The following TBC1D4 variants were observed in gnomAD, a reference collection of about 807,000 sequenced individuals.
TBC1D4 encodes TBC1 domain family member 4, also known as TBC (Tre-2, BUB2, CDC16) domain-containing protein.
In TBC1D4, 121 loss-of-function variants were observed where a neutral mutation model predicts 142.5. That is an observed-to-expected ratio of 0.85 (90% CI 0.73 to 0.99). The LOEUF is 0.99. Ranked by LOEUF, TBC1D4 falls within the 50% of genes least tolerant of loss-of-function variation. The probability of loss-of-function intolerance (pLI) is 0.00; values close to 1 mark genes in which losing one functional copy is unlikely to be tolerated. For missense variants in TBC1D4, 1,475 were observed against 1,606.6 expected (o/e 0.92, Z 1.40); for synonymous variants, 630 against 628.2 (o/e 1.00, Z -0.04).
intron 5 of TBC1D4, among the ~76,000 whole-genome samples, chr13:75,342,196 C>T (rs185025309): frequency 3.5e-4 from 53 of 152,256 alleles, no homozygotes; most frequent in Middle Eastern, 3.4e-3. Flanking sequence ...GACTCCATCT[C>T]AAAACAACAA....
At chr13:75,436,499 T>C (rs1296547586) in intron 1 of TBC1D4, among the ~76,000 whole-genome samples, 2 of 151,656 alleles carry the variant, frequency 1.3e-5, no homozygotes, top group Non-Finnish European at 2.9e-5. Context: ...CTACAAAAAA[T>C]ACAAAAATTA....
At chr13:75,390,758 C>T (rs1383574587) in intron 1 of TBC1D4, among the ~76,000 whole-genome samples, 2 of 148,470 alleles carry the variant, frequency 1.3e-5, no homozygotes, top group Non-Finnish European at 2.9e-5. Flanking sequence ...AAGAGAAAAA[C>T]CTCATCTTTC....
In TBC1D4 at chr13:75,379,007, TCTTA is replaced by T. The variant is rs1336447926; in HGVS notation, c.499-16404_499-16401del. Among the ~76,000 whole-genome samples, 6 of 152,270 alleles carry T rather than the reference TCTTA, an allele frequency of 3.9e-5. No individual in the cohort carries two copies. In the East Asian group the frequency reaches 1.2e-3, roughly 29 times the overall value. Reference sequence around the variant, plus strand: ...TTGGGTGAATTTAGTATTTAACAAGTCTTACTTCTATTTTCAGGTACAAAATGAA... The same window carrying T: ...TTGGGTGAATTTAGTATTTAACAAGTCTTCTATTTTCAGGTACAAAATGAA... On this transcript the variant is annotated intron_variant, in intron 1 of 20. Coordinates refer to ENST00000377636, the MANE Select transcript of TBC1D4 (RefSeq NM_014832.5).
rs561960973 is a variant in TBC1D4 at position 75,285,037 on chromosome 13, T to A, written c.*1755A>T. On this transcript the variant is annotated 3_prime_UTR_variant, in exon 21 of 21. Transcript: ENST00000377636. ...AAAACCCCTCCTACAAATAGAGAAA[T>A]TCTCAGGAAATCCAAGCAACAAATC... The A allele has an allele frequency of 2.6e-5, 4 of 152,240 alleles. No individual in the cohort carries two copies. The South Asian group carries it at 8.3e-4, about 32-fold the overall frequency. The allele number at this position is 152,240 out of a possible 1,614,324, so 9.4% of individuals were successfully genotyped here.
chr13:75,341,263 C>T (rs1053720112), intron 6 of TBC1D4, 28 bp from the exon 7 acceptor site: 1 of 1,579,202 alleles, frequency 6.3e-7, no homozygotes, highest in South Asian at 1.1e-5. Context: ...CAAAAGAACA[C>T]TATGGCAACA....
chr13:75,384,556 T>TA (rs1451733559), intron 1 of TBC1D4, among the ~76,000 whole-genome samples: 3 of 68,386 alleles, frequency 4.4e-5, no homozygotes, highest in Non-Finnish European at 9.6e-5. Flanking sequence ...CCAGAAAAGA[T>TA]AAAGGAAAAA....
chr13:75,300,073 T>C (rs979788590), intron 16 of TBC1D4, among the ~76,000 whole-genome samples: 10 of 152,172 alleles, frequency 6.6e-5, no homozygotes, highest in African/African-American at 2.4e-4. Context: ...GAGGGACTTT[T>C]TGGGTTTGTT....
At chr13:75,298,458 C>T (rs1876176748) in intron 17 of TBC1D4, among the ~76,000 whole-genome samples, 1 of 152,134 alleles carries the variant, frequency 6.6e-6, no homozygotes, top group African/African-American at 2.4e-5. Flanking sequence ...TTCTTCAGAG[C>T]CTGCTAAGAA....
In TBC1D4 at chr13:75,367,684, T is replaced by G. The variant is rs948536397; in HGVS notation, c.499-5077A>C. On this transcript the variant is annotated intron_variant, in intron 1 of 20. Transcript: ENST00000377636. ...GTAATGCGTGGCTTTAGGGGAAGGG[T>G]AGATTTCCTTTATAATTAATTCTGC... Among the ~76,000 whole-genome samples the G allele has an allele frequency of 2.0e-5, 3 of 152,252 alleles. No individual in the cohort carries two copies. In the Middle Eastern group the frequency reaches 0.01, roughly 518 times the overall value.
At chr13:75,353,591 A>T (rs1168102766) in intron 4 of TBC1D4, among the ~76,000 whole-genome samples, 1 of 152,156 alleles carries the variant, frequency 6.6e-6, no homozygotes, top group African/African-American at 2.4e-5. Context: ...AAGAGAACTA[A>T]CAATAGCACA....
intron 1 of TBC1D4, among the ~76,000 whole-genome samples, chr13:75,414,666 G>A (rs931717336): frequency 2.0e-5 from 3 of 151,970 alleles, no homozygotes; most frequent in African/African-American, 7.3e-5. Context: ...TATTTTGGGG[G>A]AAGAGAAAAT....
At chr13:75,385,390 G>A (rs1884107060) in intron 1 of TBC1D4, among the ~76,000 whole-genome samples, 1 of 152,140 alleles carries the variant, frequency 6.6e-6, no homozygotes, top group Non-Finnish European at 1.5e-5. Flanking sequence ...AAGAGAAAAT[G>A]GTGGTTCTGC....
chr13:75,310,114 G>T lies in TBC1D4; in HGVS notation c.2421C>A (p.Pro807=), dbSNP rs201049082. ...LDRNELLPLS[P]LSPTMEEEPL... ...GTTCCTCCTCCATGGTTGGAGAGAG[G>T]GGGGACAGTGGCAGCAGCTCGTTCC... is the stretch of plus-strand genomic sequence containing the variant. The change falls in exon 14 of 21, where the codon CCC becomes CCA. Residue 807 remains proline, a synonymous_variant. Transcript: ENST00000377636. The T allele has an allele frequency of 3.7e-6, 6 of 1,613,902 alleles. No individual in the cohort carries two copies. Among genetic ancestry groups the T allele is most frequent in the Admixed American group, 3.3e-5 (2 of 59,974 alleles).
At chr13:75,457,756 T>C (rs1887797367) in intron 1 of TBC1D4, among the ~76,000 whole-genome samples, 2 of 152,214 alleles carry the variant, frequency 1.3e-5, no homozygotes, top group Non-Finnish European at 2.9e-5. Context: ...TTAGTTTCTA[T>C]AAGTCTGTGG....
At chr13:75,306,122 T>C (rs1294898437) in intron 15 of TBC1D4, among the ~76,000 whole-genome samples, 191 bp downstream of exon 15, 1 of 152,154 alleles carries the variant, frequency 6.6e-6, no homozygotes, top group Non-Finnish European at 1.5e-5. Flanking sequence ...ATGCTGAAAA[T>C]AGGTTTGTGC....
chr13:75,397,511 ATATAAT>A (rs1414399490), intron 1 of TBC1D4, among the ~76,000 whole-genome samples: 1 of 152,226 alleles, frequency 6.6e-6, no homozygotes, highest in African/African-American at 2.4e-5. Flanking sequence ...GAAAACAGTA[ATATAAT>A]TATATTGTGT....
intron 5 of TBC1D4, among the ~76,000 whole-genome samples, chr13:75,345,000 T>A (rs115631007): frequency 6.6e-6 from 1 of 152,198 alleles, no homozygotes; most frequent in Non-Finnish European, 1.5e-5. Context: ...CTTACTTAAA[T>A]GAAAGTAACT....
At chr13:75,332,416 G>A (rs1467124735) in intron 8 of TBC1D4, among the ~76,000 whole-genome samples, 1 of 152,164 alleles carries the variant, frequency 6.6e-6, no homozygotes, top group African/African-American at 2.4e-5. Context: ...TTACATTCAG[G>A]TACCCTGACA....
chr13:75,391,546 A>C (rs1405083726), intron 1 of TBC1D4, among the ~76,000 whole-genome samples: 3 of 152,186 alleles, frequency 2.0e-5, no homozygotes, highest in Non-Finnish European at 4.4e-5. Flanking sequence ...TCACTTGGCT[A>C]CCAGGACACT....
Sources: gnomAD v4.1 joint callset for allele counts (sites outside exome capture counted in the v4.1 genomes callset) on GRCh38, gnomAD v4.1.1 for gene constraint, MANE v1.5 for transcripts, NCBI Gene and HGNC (gene_info 2026-07-23, HGNC 2026-07-21) for gene names.